ENDOV: variants seen among roughly 807,000 people sequenced by gnomAD.
ENDOV encodes the protein endonuclease V.
A neutral mutation model predicts 39.4 loss-of-function variants in ENDOV; 37 were observed. That is an observed-to-expected ratio of 0.94 (90% CI 0.72 to 1.23). The LOEUF is 1.23. ENDOV is among the 50% of genes most tolerant of loss of function. The pLI is 0.00. For missense variants in ENDOV, 441 were observed against 375.7 expected, an observed-to-expected ratio of 1.17 and a Z score of -1.44; for synonymous variants, 186 against 163.4, an observed-to-expected ratio of 1.14 and a Z score of -1.05.
intron 7 of ENDOV, among the ~76,000 whole-genome samples, chr17:80,427,039 C>T (rs1047148256): frequency 1.2e-4 from 18 of 152,364 alleles, no homozygotes; most frequent in East Asian, 1.9e-4. Context: ...CGGCTGCTGG[C>T]GCGCAGTGTG....
In ENDOV at chr17:80,436,266, T is replaced by C. The variant is rs2083591494; in HGVS notation, c.*123T>C. The C allele has an allele frequency of 1.3e-6, 2 of 1,535,136 alleles. No individual in the cohort carries two copies. Among genetic ancestry groups the C allele is most frequent in the African/African-American group, 1.4e-5 (1 of 73,314 alleles). On this transcript the variant is annotated 3_prime_UTR_variant, in exon 10 of 10. Transcript: ENST00000518137. Reference sequence around the variant, plus strand: ...AGAGCACACATCCTCGTCTCGTTCCTGATCGAACGCGGTGGTGAGAGCACA... The same window carrying C: ...AGAGCACACATCCTCGTCTCGTTCCCGATCGAACGCGGTGGTGAGAGCACA...
chr17:80,423,203 C>T (rs774485839), intron 4 of ENDOV, among the ~76,000 whole-genome samples: 1 of 152,164 alleles, frequency 6.6e-6, no homozygotes, highest in Non-Finnish European at 1.5e-5. Context: ...AGGCCACCGT[C>T]GAGGGAAGAG....
intron 5 of ENDOV, 71 bp from the exon 6 acceptor site, chr17:80,424,961 T>G (rs1345045312): frequency 7.4e-7 from 1 of 1,350,726 alleles, no homozygotes; most frequent in East Asian, 2.4e-5. Context: ...TCTCAAAAAA[T>G]AGAGACTTGC....
chr17:80,430,667 G>A (rs1425066086), intron 9 of ENDOV, among the ~76,000 whole-genome samples: 1 of 152,242 alleles, frequency 6.6e-6, no homozygotes. Context: ...GGCAGTCTGG[G>A]CTGTGGGGCA....
At position 80,436,389 on chromosome 17, in the gene ENDOV, A is replaced by ATG; in HGVS notation, c.*249_*250dup. The ATG allele has an allele frequency of 7.0e-7, 1 of 1,426,422 alleles. No individual in the cohort carries two copies. Among genetic ancestry groups the ATG allele is most frequent in the Non-Finnish European group, 9.3e-7 (1 of 1,077,992 alleles). 88.4% of individuals were successfully genotyped at this position (1,426,422 alleles called of 1,614,324 possible). A position where few individuals can be genotyped will look rare whatever the true frequency, so the allele number is the denominator to read the frequency against. ...AACGTTTGCAGTCTTTCACCACTAG[A>ATG]TGTGATGTGAGCTGTTAGATTTTCA... is the stretch of plus-strand genomic sequence containing the variant. On this transcript the variant is annotated 3_prime_UTR_variant, in exon 10 of 10. Coordinates refer to ENST00000518137, the MANE Select transcript of ENDOV (RefSeq NM_173627.5).
chr17:80,416,021 T>G (rs1343815884), intron 2 of ENDOV, 200 bp downstream of exon 2: 2 of 573,378 alleles, frequency 3.5e-6, no homozygotes, highest in East Asian at 3.8e-5. Flanking sequence ...GGGAATCACC[T>G]GAGGTCGGGA....
At chr17:80,430,008 T>C (rs894359216) in intron 9 of ENDOV, 177 bp downstream of exon 9, 3 of 1,536,806 alleles carry the variant, frequency 2.0e-6, no homozygotes, top group South Asian at 2.4e-5. Context: ...GGGGGTGGTC[T>C]AGGGACTTAG....
At chr17:80,421,464 T>G (rs1599352169) in intron 2 of ENDOV, among the ~76,000 whole-genome samples, 2 of 103,328 alleles carry the variant, frequency 1.9e-5, no homozygotes, top group South Asian at 6.6e-4. Flanking sequence ...GGGTCCGGGG[T>G]GGGGGTTCTC....
chr17:80,431,116 C>T (rs994373436), intron 9 of ENDOV, among the ~76,000 whole-genome samples: 17 of 152,212 alleles, frequency 1.1e-4, no homozygotes, highest in African/African-American at 3.4e-4. Flanking sequence ...AAGAAGGGGC[C>T]GGTGATCATG....
chr17:80,419,997 A>AT (rs1287013537), intron 2 of ENDOV: 3 of 311,996 alleles, frequency 9.6e-6, no homozygotes, highest in Non-Finnish European at 1.8e-5. Flanking sequence ...ATGTACATAC[A>AT]TCCCCCCAAA....
chr17:80,415,438 T>C (rs1352617800), intron 1 of ENDOV, 188 bp downstream of exon 1: 5 of 989,648 alleles, frequency 5.1e-6, no homozygotes, highest in Non-Finnish European at 7.3e-6. Context: ...GTGGGCGCGG[T>C]TCTCGCTTCC....
chr17:80,426,252 C>T (rs1309324912), intron 7 of ENDOV, among the ~76,000 whole-genome samples: 1 of 152,188 alleles, frequency 6.6e-6, no homozygotes, highest in Non-Finnish European at 1.5e-5. Flanking sequence ...GATGCTGTCC[C>T]AGAGAAGCCC....
At position 80,426,199 on chromosome 17, in the gene ENDOV, A is replaced by T. The variant is rs41300746; in HGVS notation, c.714+579A>T. 6.4e-3 allele frequency among the ~76,000 whole-genome samples: 969 copies of T among 152,362 alleles called. 9 individuals carry two copies. The highest frequency in any genetic ancestry group is 0.022 in the African/African-American group (923 of 41,590). On this transcript the variant is annotated intron_variant, in intron 7 of 9. Coordinates refer to ENST00000518137, the MANE Select transcript of ENDOV (RefSeq NM_173627.5). ...GAGAGACAGCTGGCACGAGATGCCC[A>T]CAGACAGCCTCGATAGGACCAGGGG...
At chr17:80,415,314 C>G in intron 1 of ENDOV, 64 bp downstream of exon 1, 2 of 1,573,528 alleles carry the variant, frequency 1.3e-6, no homozygotes, top group East Asian at 2.3e-5. Context: ...CGCGGACCCT[C>G]CGAGCTCATA....
chr17:80,419,785 A>G, intron 2 of ENDOV: 1 of 664,582 alleles, frequency 1.5e-6, no homozygotes, highest in South Asian at 1.6e-5. Flanking sequence ...ACTCAGAATC[A>G]AATGCAGGAA....
rs1396294729 is a variant in ENDOV at position 80,419,562 on chromosome 17, T to C, written c.229-2266T>C. Reference sequence around the variant, plus strand: ...TGCTCCGCAGGGAGCTGACTCCTACTTGTCTGTGACTCCCATCGATCAGTT... The same window carrying C: ...TGCTCCGCAGGGAGCTGACTCCTACCTGTCTGTGACTCCCATCGATCAGTT... On this transcript the variant is annotated intron_variant, in intron 2 of 9. Coordinates refer to ENST00000518137, the MANE Select transcript of ENDOV (RefSeq NM_173627.5). The C allele has an allele frequency of 8.5e-6, 6 of 702,490 alleles. No homozygotes were observed. In the East Asian group the frequency reaches 1.6e-4, roughly 19 times the overall value. The allele number at this position is 702,490 out of a possible 1,614,324, so 43.5% of individuals were successfully genotyped here.
intron 5 of ENDOV, chr17:80,424,048 C>G (rs41299818): frequency 6.5e-5 from 26 of 398,538 alleles, no homozygotes; most frequent in Middle Eastern, 6.2e-4. Flanking sequence ...CCCCTCCCGC[C>G]AAGACCTGCC....
Position 80,428,637 on chromosome 17 carries a change from AC to A in ENDOV, c.757del (p.Leu253SerfsTer49). 1 of 1,583,796 alleles carries A rather than the reference AC, an allele frequency of 6.3e-7. No individual in the cohort carries two copies. The highest frequency in any genetic ancestry group is 8.6e-7 in the Non-Finnish European group (1 of 1,165,682). On this transcript the variant is annotated frameshift_variant, in exon 8 of 10. Coordinates refer to ENST00000518137, the MANE Select transcript of ENDOV (RefSeq NM_173627.5). LOFTEE classifies it high-confidence loss of function. Reference protein sequence around the residue: ...SREHIRKSLGLPGPPTPRSPK... With the variant: ...SREHIRKSLGXPGPPTPRSPK... ...GAGAGCACATCCGCAAGTCGCTGGG[AC>A]TCCCCGGGCCACCCACACCGAGGTG...
intron 9 of ENDOV, among the ~76,000 whole-genome samples, chr17:80,434,564 T>C (rs1427828048): frequency 6.6e-6 from 1 of 152,178 alleles, no homozygotes; most frequent in African/African-American, 2.4e-5. Context: ...CCACCAGCAA[T>C]GCCCAAGGGT....
Sources: gnomAD v4.1 joint callset for allele counts (sites outside exome capture counted in the v4.1 genomes callset) on GRCh38, gnomAD v4.1.1 for gene constraint, MANE v1.5 for transcripts, NCBI Gene and HGNC (gene_info 2026-07-23, HGNC 2026-07-21) for gene names.